KIF27: variants seen among roughly 807,000 people sequenced by gnomAD.
KIF27 encodes kinesin-like protein KIF27.
A neutral mutation model predicts 141.8 loss-of-function variants in KIF27; 84 were observed. The observed-to-expected ratio is 0.59, with a 90% CI of 0.50 to 0.71. The LOEUF (loss-of-function observed/expected upper bound fraction) is 0.71, where lower values mean the gene tolerates loss of function less well. KIF27 is among the 30% of genes least tolerant of loss of function. KIF27 has a pLI of 0.00. For synonymous variants in KIF27, 471 were observed against 569.5 expected, an observed-to-expected ratio of 0.83 and a Z score of 2.46; for missense variants, 1,306 against 1,628.4, an observed-to-expected ratio of 0.80 and a Z score of 3.41.
rs763645542 is a variant in KIF27 at position 83,883,930 on chromosome 9, A to C, written c.2328T>G (p.Ile776Met). Residue 776 changes from isoleucine (I) to methionine (M), a missense_variant, in exon 10 of 18, where the codon ATT becomes ATG. Ile to Met is a conservative substitution (Grantham distance 10). This residue lies in a region of KIF27 where 596 missense variants were observed against 751.6 expected (regional missense o/e 0.79). Transcript: ENST00000297814. ...HDAEQAKVEL[I>M]ETQKQLQELE... ...GCTCCTGTAGCTGCTTTTGTGTTTC[A>C]ATCAGTTCGACTTTTGCCTGTTCTG... 3.7e-6 allele frequency: 6 copies of C among 1,613,548 alleles called. No individual in the cohort carries two copies. Among genetic ancestry groups the C allele is most frequent in the Non-Finnish European group, 3.4e-6 (4 of 1,179,660 alleles).
intron 3 of KIF27, among the ~76,000 whole-genome samples, chr9:83,906,769 T>C (rs550207680): frequency 4.5e-4 from 58 of 130,336 alleles, no homozygotes; most frequent in Non-Finnish European, 8.3e-4. Flanking sequence ...AAAAAAAGAA[T>C]AGTCACTGCA....
chr9:83,906,362 T>G (rs1383275894), intron 3 of KIF27, among the ~76,000 whole-genome samples: 2 of 152,200 alleles, frequency 1.3e-5, no homozygotes, highest in African/African-American at 4.8e-5. Flanking sequence ...CTTACTTTCC[T>G]AACTTTCCTA....
intron 13 of KIF27, among the ~76,000 whole-genome samples, chr9:83,862,949 A>C (rs1311444215): frequency 6.6e-6 from 1 of 152,098 alleles, no homozygotes. Context: ...TGTGAATGGG[A>C]GTTCACTCAT....
chr9:83,849,206 T>C (rs1948239340), intron 16 of KIF27, among the ~76,000 whole-genome samples: 1 of 152,200 alleles, frequency 6.6e-6, no homozygotes, highest in African/African-American at 2.4e-5. Context: ...GTTTCAGAAC[T>C]AAACTAAGGT....
intron 13 of KIF27, among the ~76,000 whole-genome samples, chr9:83,861,653 C>A (rs149662342): frequency 6.6e-6 from 1 of 151,870 alleles, no homozygotes; most frequent in African/African-American, 2.4e-5. Context: ...GTGCATGTGT[C>A]TTTATAGCAG....
chr9:83,864,737 TTC>T, intron 13 of KIF27, among the ~76,000 whole-genome samples: 1 of 152,320 alleles, frequency 6.6e-6, no homozygotes, highest in Non-Finnish European at 1.5e-5. Flanking sequence ...CTTGTTAACT[TTC>T]TGTCTCATGG....
chr9:83,859,033 T>C, intron 14 of KIF27, 123 bp downstream of exon 14: 1 of 762,668 alleles, frequency 1.3e-6, no homozygotes, highest in Non-Finnish European at 2.2e-6. Context: ...ACTCACTACA[T>C]CTGACAAAAT....
intron 11 of KIF27, among the ~76,000 whole-genome samples, chr9:83,877,995 T>C (rs954136327): frequency 1.3e-5 from 2 of 151,424 alleles, no homozygotes; most frequent in Non-Finnish European, 2.9e-5. Context: ...AAAACCCGTC[T>C]CTACTAAAAA....
intron 3 of KIF27, among the ~76,000 whole-genome samples, chr9:83,905,850 T>G (rs1304605881): frequency 6.6e-6 from 1 of 152,116 alleles, no homozygotes; most frequent in African/African-American, 2.4e-5. Flanking sequence ...GCAGCCAGCA[T>G]GGACATCACT....
Position 83,837,451 on chromosome 9 carries a change from T to C in KIF27, c.3756A>G (p.Glu1252=), listed in dbSNP as rs1166581463. 3.1e-6 allele frequency: 5 copies of C among 1,613,390 alleles called. No homozygotes were observed. Among genetic ancestry groups the C allele is most frequent in the Non-Finnish European group, 1.7e-6 (2 of 1,179,766 alleles). Residue 1252 remains glutamate, a synonymous_variant, in exon 18 of 18, where the codon GAA becomes GAG. Transcript: ENST00000297814. ...QEAGDGVLKP[E]GGGMLSEELK... Reference sequence around the variant, plus strand: ...ATTCTTCTGAAAGCATGCCTCCTCCTTCTGGCTTCAGGACTCCATCTCCAG... The same window carrying C: ...ATTCTTCTGAAAGCATGCCTCCTCCCTCTGGCTTCAGGACTCCATCTCCAG...
intron 16 of KIF27, among the ~76,000 whole-genome samples, chr9:83,848,224 CAGATAT>C (rs1947867857): frequency 1.2e-5 from 1 of 83,114 alleles, no homozygotes; most frequent in Non-Finnish European, 2.3e-5. Context: ...TATGATATAT[CAGATAT>C]GATATATATG....
At position 83,889,090 on chromosome 9, in the gene KIF27, C is replaced by T. The variant is rs13289566; in HGVS notation, c.1973G>A (p.Gly658Glu). 328,508 of 1,604,476 alleles carry T rather than the reference C, an allele frequency of 0.2. 30,432 individuals carry two copies. The highest frequency in any genetic ancestry group is 0.27 in the Middle Eastern group (1,615 of 6,038). Residue 658 changes from glycine (G) to glutamate (E), a missense_variant, in exon 7 of 18, where the codon GGA becomes GAA. Physicochemically the swap from Gly to Glu is moderately conservative, Grantham distance 98. Coordinates refer to ENST00000297814, the MANE Select transcript of KIF27 (RefSeq NM_017576.4). ...CAGTGTATATTTAACATACCTAGTTCCAGATTTCTCTTGGCCTTCTGATTC... is the reference window on the plus strand; with the variant it reads ...CAGTGTATATTTAACATACCTAGTTTCAGATTTCTCTTGGCCTTCTGATTC... The part of the protein sequence containing the change: ...DEESEGQEKS[G>E]TRCRSRSWIQ...
At chr9:83,844,333 T>C (rs748075794) in intron 16 of KIF27, among the ~76,000 whole-genome samples, 2 of 147,830 alleles carry the variant, frequency 1.4e-5, no homozygotes, top group African/African-American at 5.1e-5. Context: ...TAGATAGCTA[T>C]ATATATTTAT....
chr9:83,868,886 G>T (rs1230366722), intron 12 of KIF27, among the ~76,000 whole-genome samples: 2 of 152,076 alleles, frequency 1.3e-5, no homozygotes, highest in East Asian at 3.8e-4. Flanking sequence ...GATAACACTG[G>T]AGCCTAAAAT....
intron 9 of KIF27, among the ~76,000 whole-genome samples, chr9:83,886,479 A>C (rs1469275125): frequency 2.0e-5 from 3 of 152,146 alleles, no homozygotes; most frequent in Non-Finnish European, 2.9e-5. Context: ...ACTTCTCTTG[A>C]ATAGCAGCTG....
chr9:83,863,056 T>C (rs960430619), intron 13 of KIF27, among the ~76,000 whole-genome samples: 11 of 152,152 alleles, frequency 7.2e-5, no homozygotes, highest in Admixed American at 1.3e-4. Context: ...AGTTGCTTAT[T>C]AGCTTAAGGA....
intron 11 of KIF27, among the ~76,000 whole-genome samples, chr9:83,878,649 C>T (rs1374288209): frequency 2.0e-5 from 3 of 151,978 alleles, no homozygotes; most frequent in African/African-American, 7.3e-5. Context: ...ATAAGGCTGA[C>T]ACAGAAGGTA....
At chr9:83,887,911 T>G (rs923957857) in intron 8 of KIF27, among the ~76,000 whole-genome samples, 6 of 151,986 alleles carry the variant, frequency 3.9e-5, no homozygotes, top group African/African-American at 1.5e-4. Flanking sequence ...TTTCAAAGTG[T>G]AGCACTTGTA....
At chr9:83,897,533 T>C (rs1563976480) in intron 5 of KIF27, among the ~76,000 whole-genome samples, 1 of 152,060 alleles carries the variant, frequency 6.6e-6, no homozygotes, top group Non-Finnish European at 1.5e-5. Context: ...ATATAGAAAG[T>C]ATCCTCAGAG....
Sources: allele counts gnomAD v4.1 joint callset (sites outside exome capture counted in the v4.1 genomes callset), GRCh38; gene constraint gnomAD v4.1.1; regional missense constraint gnomAD v4.1.1; transcripts MANE v1.5; gene names NCBI Gene and HGNC (gene_info 2026-07-23, HGNC 2026-07-21).